The following REDIC1 variants were observed in gnomAD, a reference collection of about 807,000 sequenced individuals.
REDIC1 encodes regulator of DNA class I crossover intermediates 1.
the REDIC1 span, among the ~76,000 whole-genome samples, chr12:39,878,796 G>T: frequency 6.6e-6 from 1 of 152,252 alleles, no homozygotes; most frequent in African/African-American, 2.4e-5. Flanking sequence ...CCATTTGCTA[G>T]AGAAATTTGC....
At chr12:39,714,623 C>T in the REDIC1 span, among the ~76,000 whole-genome samples, 8 of 151,760 alleles carry the variant, frequency 5.3e-5, no homozygotes, top group African/African-American at 1.5e-4. Flanking sequence ...ACTTTTAGTT[C>T]TTTAAGTAAT....
chr12:39,712,078 A>ACC, the REDIC1 span, among the ~76,000 whole-genome samples: 1 of 124,568 alleles, frequency 8.0e-6, no homozygotes, highest in African/African-American at 2.9e-5. Flanking sequence ...ATATACCGGT[A>ACC]TGTATATATA....
chr12:39,854,737 G>C, the REDIC1 span, among the ~76,000 whole-genome samples: 1 of 152,110 alleles, frequency 6.6e-6, no homozygotes, highest in African/African-American at 2.4e-5. Context: ...TAGTATCCAA[G>C]GCCTTTCCTC....
chr12:39,856,958 A>G, the REDIC1 span, among the ~76,000 whole-genome samples: 1 of 152,194 alleles, frequency 6.6e-6, no homozygotes, highest in Admixed American at 6.5e-5. Flanking sequence ...CGCTGATTCC[A>G]GTCAATTGCT....
chr12:39,874,617 A>G, the REDIC1 span, among the ~76,000 whole-genome samples: 102 of 26,556 alleles, frequency 3.8e-3, 1 homozygote, highest in African/African-American at 0.023. Context: ...CTCCATCTCA[A>G]AAAAAAAAAA....
chr12:39,853,102 A>C, the REDIC1 span, among the ~76,000 whole-genome samples: 1 of 152,072 alleles, frequency 6.6e-6, no homozygotes, highest in Non-Finnish European at 1.5e-5. Context: ...CTTTGCTCAA[A>C]ACGCCAAGAA....
At chr12:39,737,675 GA>G in the REDIC1 span, among the ~76,000 whole-genome samples, 72 of 152,316 alleles carry the variant, frequency 4.7e-4, no homozygotes, top group African/African-American at 1.5e-3. Context: ...GTCAATAGTG[GA>G]GACAGTATTT....
the REDIC1 span, among the ~76,000 whole-genome samples, chr12:39,719,246 A>G: frequency 6.6e-6 from 1 of 152,108 alleles, no homozygotes; most frequent in Non-Finnish European, 1.5e-5. Flanking sequence ...AGAGCAAATA[A>G]TGCATTTCTA....
chr12:39,714,250 C>CGTATATGCATGCATATATGTATATAT, the REDIC1 span, among the ~76,000 whole-genome samples: 1 of 111,000 alleles, frequency 9.0e-6, no homozygotes, highest in African/African-American at 3.3e-5. Context: ...TATGTATATA[C>CGTATATGCATGCATATATGTATATAT]GTATATGCAT....
the REDIC1 span, among the ~76,000 whole-genome samples, chr12:39,735,843 A>T: frequency 6.6e-6 from 1 of 152,218 alleles, no homozygotes; most frequent in Non-Finnish European, 1.5e-5. Flanking sequence ...CAGGAAACTA[A>T]AGGTAGAGAA....
chr12:39,695,646 A>T, the REDIC1 span, among the ~76,000 whole-genome samples: 2 of 152,176 alleles, frequency 1.3e-5, no homozygotes, highest in African/African-American at 2.4e-5. Context: ...CTGAGACAGC[A>T]CTTCTGGATC....
At chr12:39,668,106 A>G in the REDIC1 span, among the ~76,000 whole-genome samples, 1 of 151,014 alleles carries the variant, frequency 6.6e-6, no homozygotes, top group African/African-American at 2.4e-5. Context: ...TGATCCTTTC[A>G]TTATGATGTT....
the REDIC1 span, among the ~76,000 whole-genome samples, chr12:39,705,258 A>G: frequency 6.6e-6 from 1 of 152,070 alleles, no homozygotes; most frequent in Non-Finnish European, 1.5e-5. Flanking sequence ...CCAAGATTGA[A>G]CCATGAAGAA....
the REDIC1 span, among the ~76,000 whole-genome samples, chr12:39,731,629 C>G: frequency 6.6e-6 from 1 of 152,260 alleles, no homozygotes; most frequent in South Asian, 2.1e-4. Flanking sequence ...GCATAGGGGT[C>G]AGGGACCCAC....
At chr12:39,700,811 C>G in the REDIC1 span, among the ~76,000 whole-genome samples, 2,077 of 151,970 alleles carry the variant, frequency 0.014, 58 homozygotes, top group African/African-American at 0.048. Context: ...AATTTTCAAC[C>G]CAGAATTTCA....
At chr12:39,893,470 T>G in the REDIC1 span, among the ~76,000 whole-genome samples, 1 of 152,322 alleles carries the variant, frequency 6.6e-6, no homozygotes, top group Admixed American at 6.5e-5. Context: ...CAGCTAATTT[T>G]TGTATTCTTA....
chr12:39,712,879 A>T, the REDIC1 span, among the ~76,000 whole-genome samples: 12 of 144,786 alleles, frequency 8.3e-5, no homozygotes, highest in African/African-American at 3.1e-4. Flanking sequence ...ATATACACGT[A>T]TATACATATA....
At chr12:39,713,856 TAC>T in the REDIC1 span, among the ~76,000 whole-genome samples, 466 of 148,412 alleles carry the variant, frequency 3.1e-3, 6 homozygotes, top group African/African-American at 0.011. Context: ...TATGCATATA[TAC>T]ATACATATAT....
chr12:39,799,215 G>A, the REDIC1 span, among the ~76,000 whole-genome samples: 3 of 148,634 alleles, frequency 2.0e-5, no homozygotes, highest in South Asian at 4.3e-4. Flanking sequence ...TTGGACTCTC[G>A]AGTAGCTGGG....
Sources: allele counts gnomAD v4.1 joint callset (sites outside exome capture counted in the v4.1 genomes callset), GRCh38; gene constraint gnomAD v4.1.1; transcripts MANE v1.5; gene names NCBI Gene and HGNC (gene_info 2026-07-23, HGNC 2026-07-21).